BTBD9: variants seen among roughly 807,000 people sequenced by gnomAD.
BTBD9 encodes BTB/POZ domain-containing protein 9.
BTBD9 carries 49 observed loss-of-function variants against 64.3 expected under a neutral mutation model. The ratio of observed to expected loss-of-function variants is 0.76; its 90% CI spans 0.61 to 0.97. The LOEUF is 0.97. BTBD9 is among the 50% of genes least tolerant of loss of function. BTBD9 has a pLI of 0.00. For missense variants in BTBD9, 598 were observed against 762.1 expected (o/e 0.78, Z 2.53); for synonymous variants, 260 against 274.7 (o/e 0.95, Z 0.53).
chr6:38,426,587 C>A (rs1768162863), intron 6 of BTBD9, among the ~76,000 whole-genome samples: 2 of 151,928 alleles, frequency 1.3e-5, no homozygotes, highest in African/African-American at 4.9e-5. Context: ...CCGGATCCGG[C>A]AGGGTGTCCG....
At chr6:38,477,815 T>C (rs1770957515) in intron 6 of BTBD9, among the ~76,000 whole-genome samples, 1 of 152,172 alleles carries the variant, frequency 6.6e-6, no homozygotes, top group Non-Finnish European at 1.5e-5. Flanking sequence ...AATTACTCAC[T>C]TAACTCAAAC....
At chr6:38,300,130 C>T (rs1762329055) in intron 7 of BTBD9, among the ~76,000 whole-genome samples, 1 of 152,152 alleles carries the variant, frequency 6.6e-6, no homozygotes, top group African/African-American at 2.4e-5. Context: ...TTCCCCATTG[C>T]TTGTCTTTGT....
chr6:38,497,629 G>A (rs1282305527), intron 6 of BTBD9, among the ~76,000 whole-genome samples: 1 of 152,134 alleles, frequency 6.6e-6, no homozygotes, highest in African/African-American at 2.4e-5. Context: ...AAGATGAAAG[G>A]GAGGAAAAGA....
intron 6 of BTBD9, among the ~76,000 whole-genome samples, chr6:38,411,744 T>C (rs1767436063): frequency 6.6e-6 from 1 of 152,102 alleles, no homozygotes; most frequent in Non-Finnish European, 1.5e-5. Flanking sequence ...GAGACCAGCC[T>C]GGGCAACATG....
At chr6:38,361,066 G>A (rs1764934152) in intron 6 of BTBD9, among the ~76,000 whole-genome samples, 1 of 152,094 alleles carries the variant, frequency 6.6e-6, no homozygotes, top group South Asian at 2.1e-4. Flanking sequence ...TGAGGGGTCT[G>A]GATCAGTGTT....
intron 10 of BTBD9, among the ~76,000 whole-genome samples, chr6:38,182,460 GCTTCTGGGATGC>G (rs1432598006): frequency 6.6e-6 from 1 of 152,166 alleles, no homozygotes; most frequent in African/African-American, 2.4e-5. Context: ...TTGTTCGCAG[GCTTCTGGGATGC>G]CTGAATCTCC....
chr6:38,322,970 C>T (rs1449891905), intron 7 of BTBD9, among the ~76,000 whole-genome samples: 1 of 152,124 alleles, frequency 6.6e-6, no homozygotes, highest in Admixed American at 6.5e-5. Context: ...ATGAAAATTA[C>T]TAATATGGTT....
intron 6 of BTBD9, among the ~76,000 whole-genome samples, chr6:38,346,919 T>C (rs984933070): frequency 6.6e-6 from 1 of 152,302 alleles, no homozygotes; most frequent in East Asian, 1.9e-4. Flanking sequence ...CATTTCGCTA[T>C]TCTCTAGCTC....
intron 6 of BTBD9, among the ~76,000 whole-genome samples, chr6:38,351,883 ATGATGTGCC>A (rs1306515500): frequency 6.6e-6 from 1 of 152,214 alleles, no homozygotes; most frequent in African/African-American, 2.4e-5. Flanking sequence ...AAAACCTGCC[ATGATGTGCC>A]TGATGTGCCT....
At chr6:38,276,113 C>T (rs1323764572) in intron 8 of BTBD9, among the ~76,000 whole-genome samples, 5 of 152,060 alleles carry the variant, frequency 3.3e-5, no homozygotes, top group Non-Finnish European at 7.4e-5. Context: ...TGTCCAACAA[C>T]AATAGACTGG....
At chr6:38,278,287 A>AAAAC (rs775925651) in intron 8 of BTBD9, among the ~76,000 whole-genome samples, 2 of 152,250 alleles carry the variant, frequency 1.3e-5, no homozygotes, top group Non-Finnish European at 2.9e-5. Context: ...ATGTGACACA[A>AAAAC]AAACAAACAA....
chr6:38,597,986 C>T lies in BTBD9; in HGVS notation c.109G>A (p.Asp37Asn), dbSNP rs757637334. ...GALLIGEEYG[D>N]VTFVVEKKRF... ...TTCTTTTCCACCACGAATGTGACGT[C>T]GCCATATTCTTCCCCAATCAACAAG... Residue 37 changes from aspartate (D) to asparagine (N), a missense_variant, in exon 2 of 11, where the codon GAC becomes AAC. Physicochemically the swap from Asp to Asn is conservative, Grantham distance 23 (BLOSUM62 1). Coordinates refer to ENST00000481247, the MANE Select transcript of BTBD9 (RefSeq NM_001099272.2). 1.5e-5 allele frequency: 25 copies of T among 1,613,862 alleles called. No homozygotes were observed. The highest frequency in any genetic ancestry group is 9.3e-5 in the African/African-American group (7 of 74,914).
At chr6:38,490,830 T>C (rs151010879) in intron 6 of BTBD9, among the ~76,000 whole-genome samples, 1 of 152,206 alleles carries the variant, frequency 6.6e-6, no homozygotes, top group Admixed American at 6.5e-5. Context: ...TTCAAGTAAA[T>C]CAGCATGATC....
At chr6:38,278,299 C>A (rs1310447323) in intron 8 of BTBD9, among the ~76,000 whole-genome samples, 1 of 152,026 alleles carries the variant, frequency 6.6e-6, no homozygotes, top group Non-Finnish European at 1.5e-5. Flanking sequence ...AACAAACAAA[C>A]AAAACAAAAA....
At chr6:38,388,979 A>G (rs1766297106) in intron 6 of BTBD9, among the ~76,000 whole-genome samples, 1 of 152,154 alleles carries the variant, frequency 6.6e-6, no homozygotes, top group African/African-American at 2.4e-5. Flanking sequence ...ACAAAGGGGG[A>G]AAATGACAAC....
At chr6:38,359,047 A>G (rs1438323477) in intron 6 of BTBD9, among the ~76,000 whole-genome samples, 1 of 152,190 alleles carries the variant, frequency 6.6e-6, no homozygotes, top group Non-Finnish European at 1.5e-5. Flanking sequence ...CTGGGATTAC[A>G]GGCGTGAGCC....
At chr6:38,186,821 T>A (rs781706400) in intron 10 of BTBD9, among the ~76,000 whole-genome samples, 6 of 152,226 alleles carry the variant, frequency 3.9e-5, no homozygotes, top group Non-Finnish European at 8.8e-5. Context: ...CCTGTCTTTC[T>A]GAATACATTG....
intron 6 of BTBD9, among the ~76,000 whole-genome samples, chr6:38,572,314 G>A (rs919915536): frequency 1.4e-4 from 22 of 152,072 alleles, no homozygotes; most frequent in African/African-American, 4.6e-4. Context: ...GGTGAGTGAC[G>A]AATGAATACA....
chr6:38,195,507 A>G (rs1034696149), intron 9 of BTBD9, among the ~76,000 whole-genome samples: 3 of 152,172 alleles, frequency 2.0e-5, no homozygotes, highest in African/African-American at 7.2e-5. Flanking sequence ...TATGGTCTTA[A>G]TAAAAACAAA....
Sources: allele counts gnomAD v4.1 joint callset (sites outside exome capture counted in the v4.1 genomes callset), GRCh38; gene constraint gnomAD v4.1.1; transcripts MANE v1.5; gene names NCBI Gene and HGNC (gene_info 2026-07-23, HGNC 2026-07-21).